SH2D4B: variants seen among roughly 807,000 people sequenced by gnomAD.
SH2D4B encodes SH2 domain-containing protein 4B.
A neutral mutation model predicts 61.5 loss-of-function variants in SH2D4B; 45 were observed. The ratio of observed to expected loss-of-function variants is 0.73; its 90% CI spans 0.58 to 0.94. The LOEUF (loss-of-function observed/expected upper bound fraction) is 0.94. SH2D4B is among the 40% of genes least tolerant of loss of function. The pLI is 0.00. For synonymous variants in SH2D4B, 224 were observed against 220.4 expected (o/e 1.02, Z -0.14); for missense variants, 572 against 574.2 (o/e 1.00, Z 0.04).
At chr10:80,541,520 C>T (rs1346678785) in intron 1 of SH2D4B, among the ~76,000 whole-genome samples, 2 of 152,148 alleles carry the variant, frequency 1.3e-5, no homozygotes, top group Non-Finnish European at 2.9e-5. Flanking sequence ...TGGGTTAGTC[C>T]TGGTCAGCCT....
rs1178232764 is a variant in SH2D4B at position 80,634,451 on chromosome 10, G to A, written c.1155G>A (p.Leu385=). The A allele has an allele frequency of 2.6e-6, 4 of 1,550,504 alleles. No homozygotes were observed. Among genetic ancestry groups the A allele is most frequent in the Admixed American group, 2.0e-5 (1 of 50,996 alleles). Residue 385 remains leucine, a synonymous_variant, in exon 7 of 8, where the codon CTG becomes CTA. Coordinates refer to ENST00000646907, the MANE Select transcript of SH2D4B (RefSeq NM_001388272.1). The part of the protein sequence containing the change: ...VDASGDFYSF[L]GVDPNRHATL... ...CTTCTGGGGATTTTTACAGCTTCCT[G>A]GGAGTGGACCCCAATCGCCATGCAA...
chr10:80,603,011 C>G (rs935699367), intron 4 of SH2D4B, among the ~76,000 whole-genome samples: 28 of 152,066 alleles, frequency 1.8e-4, no homozygotes, highest in African/African-American at 6.5e-4. Context: ...GTTTCCTCAC[C>G]CATAAAGCAG....
At chr10:80,543,208 C>T (rs1041949733) in intron 1 of SH2D4B, among the ~76,000 whole-genome samples, 1 of 152,312 alleles carries the variant, frequency 6.6e-6, no homozygotes, top group East Asian at 1.9e-4. Flanking sequence ...ACTGTGGGAG[C>T]CCCTTTCTGG....
At chr10:80,597,225 G>A (rs925245316) in intron 4 of SH2D4B, among the ~76,000 whole-genome samples, 1 of 152,156 alleles carries the variant, frequency 6.6e-6, no homozygotes, top group East Asian at 1.9e-4. Context: ...GATGCCGAGG[G>A]ACAATTGTAC....
chr10:80,571,717 G>T, intron 3 of SH2D4B, 139 bp downstream of exon 3: 1 of 889,218 alleles, frequency 1.1e-6, no homozygotes. Context: ...TGTAATGTCT[G>T]AGCAGGAAGG....
chr10:80,564,129 G>A (rs546362063), intron 1 of SH2D4B, among the ~76,000 whole-genome samples: 1 of 152,238 alleles, frequency 6.6e-6, no homozygotes, highest in South Asian at 2.1e-4. Context: ...TGTTTTTTGT[G>A]TGTAGAAATT....
At chr10:80,560,768 C>T (rs946502309) in intron 1 of SH2D4B, among the ~76,000 whole-genome samples, 1 of 127,846 alleles carries the variant, frequency 7.8e-6, no homozygotes, top group Non-Finnish European at 1.6e-5. Flanking sequence ...TGGTGATTCT[C>T]AAAGTGTTGT....
intron 5 of SH2D4B, among the ~76,000 whole-genome samples, chr10:80,604,781 A>C (rs1589353762): frequency 1.5e-5 from 2 of 134,582 alleles, no homozygotes; most frequent in Non-Finnish European, 1.5e-5. Context: ...AGAGGTCACT[A>C]CTGTTCTTAG....
intron 1 of SH2D4B, among the ~76,000 whole-genome samples, chr10:80,553,984 G>A (rs572883410): frequency 6.6e-6 from 1 of 152,330 alleles, no homozygotes; most frequent in South Asian, 2.1e-4. Context: ...TGGAGATGAT[G>A]ATAATAAGTT....
chr10:80,619,281 C>T (rs560971992), intron 6 of SH2D4B, among the ~76,000 whole-genome samples: 1 of 152,320 alleles, frequency 6.6e-6, no homozygotes, highest in East Asian at 1.9e-4. Context: ...CAGTGTTCCT[C>T]AGCTCTTCTG....
intron 1 of SH2D4B, chr10:80,540,809 G>C: frequency 3.2e-6 from 5 of 1,548,768 alleles, no homozygotes; most frequent in Non-Finnish European, 4.4e-6. Flanking sequence ...CCAAGGGTGA[G>C]GCTTGGTTCA....
At chr10:80,614,461 A>G (rs894444166) in intron 6 of SH2D4B, among the ~76,000 whole-genome samples, 1 of 152,248 alleles carries the variant, frequency 6.6e-6, no homozygotes. Flanking sequence ...ACCAGGCCCT[A>G]CTTCCAACAC....
chr10:80,570,500 G>A (rs539920779), intron 2 of SH2D4B, among the ~76,000 whole-genome samples, 184 bp downstream of exon 2: 4 of 152,190 alleles, frequency 2.6e-5, no homozygotes, highest in South Asian at 2.1e-4. Context: ...GATTATAGGC[G>A]TGAGCCACCA....
chr10:80,570,192 G>A lies in SH2D4B; in HGVS notation c.223G>A (p.Asp75Asn), dbSNP rs1386065791. The A allele has an allele frequency of 1.9e-6, 3 of 1,614,072 alleles. No homozygotes were observed. The highest frequency in any genetic ancestry group is 2.5e-6 in the Non-Finnish European group (3 of 1,180,042). Residue 75 changes from aspartate to asparagine, a missense_variant, in exon 2 of 8, where the codon GAT becomes AAT. Physicochemically the swap from Asp to Asn is conservative, Grantham distance 23. Coordinates refer to ENST00000646907, the MANE Select transcript of SH2D4B (RefSeq NM_001388272.1). Reference sequence around the variant, plus strand: ...GCACATCCAATGGCTCCTAGGGGCAGATGGCGAGGTCTGGGTCTGGATCAT... The same window carrying A: ...GCACATCCAATGGCTCCTAGGGGCAAATGGCGAGGTCTGGGTCTGGATCAT... ...DKHIQWLLGA[D>N]GEVWVWIMGE...
chr10:80,600,136 G>A (rs1842434528), intron 4 of SH2D4B, among the ~76,000 whole-genome samples: 3 of 152,184 alleles, frequency 2.0e-5, no homozygotes, highest in Non-Finnish European at 2.9e-5. Context: ...TATGGACAAG[G>A]AAAGAAGGTG....
rs373460546 is a variant in SH2D4B at position 80,620,203 on chromosome 10, AGGT to A, written c.988+10654_988+10656del. On this transcript the variant is annotated intron_variant, in intron 6 of 7. Transcript: ENST00000646907. ...AATGTTGGGAGAGGGACCTGGTGGA[AGGT>A]GATTGGATCATGGGGGGCGGTTCCC... Among the ~76,000 whole-genome samples, 499 of 152,302 alleles carry A rather than the reference AGGT, an allele frequency of 3.3e-3. 1 individual carries two copies. The highest frequency in any genetic ancestry group is 0.011 in the African/African-American group (452 of 41,576).
intron 2 of SH2D4B, 29 bp downstream of exon 2, chr10:80,570,345 G>C: frequency 6.2e-7 from 1 of 1,609,346 alleles, no homozygotes; most frequent in Non-Finnish European, 8.5e-7. Context: ...TGTTGGGTGG[G>C]GCCTAGGCAT....
In SH2D4B at chr10:80,634,390, G is replaced by A. The variant is rs71483314; in HGVS notation, c.1094G>A (p.Arg365His). 0.021 allele frequency: 32,613 copies of A among 1,550,582 alleles called. 386 individuals are homozygous for A. The highest frequency in any genetic ancestry group is 0.023 in the Non-Finnish European group (26,370 of 1,146,986). Reference protein sequence around the residue: ...EKIWGYTLSYRLQKGFKHFLV... With the variant: ...EKIWGYTLSYHLQKGFKHFLV... The stretch of plus-strand genomic sequence containing the variant: ...ATCTGGGGTTACACCCTCTCCTACC[G>A]CCTGCAGAAAGGGTTCAAACACTTT... The change falls in exon 7 of 8, where the codon CGC becomes CAC. Residue 365 changes from arginine (R) to histidine (H), a missense_variant. Arg to His is a conservative substitution (Grantham distance 29). Coordinates refer to ENST00000646907, the MANE Select transcript of SH2D4B (RefSeq NM_001388272.1).
intron 6 of SH2D4B, among the ~76,000 whole-genome samples, chr10:80,633,452 G>A (rs772238677): frequency 6.6e-6 from 1 of 152,182 alleles, no homozygotes; most frequent in Non-Finnish European, 1.5e-5. Flanking sequence ...AGACCTTGAG[G>A]GCTTGGCTGG....
Sources: gnomAD v4.1 joint callset for allele counts (sites outside exome capture counted in the v4.1 genomes callset) on GRCh38, gnomAD v4.1.1 for gene constraint, MANE v1.5 for transcripts, NCBI Gene and HGNC (gene_info 2026-07-23, HGNC 2026-07-21) for gene names.